The following CPD variants were observed in gnomAD, a reference collection of about 807,000 sequenced individuals.
CPD encodes metallocarboxypeptidase D.
In CPD, 69 loss-of-function variants were observed where a neutral mutation model predicts 138.3. The ratio of observed to expected loss-of-function variants is 0.50; its 90% CI spans 0.41 to 0.61. CPD has a LOEUF of 0.61. Ranked by LOEUF, CPD falls within the 20% of genes least tolerant of loss-of-function variation. The pLI is 0.00. For missense variants in CPD, 1,432 were observed against 1,733.3 expected, an observed-to-expected ratio of 0.83 and a Z score of 3.09; for synonymous variants, 651 against 642.1, an observed-to-expected ratio of 1.01 and a Z score of -0.21.
chr17:30,409,058 A>C (rs571769498), intron 2 of CPD, among the ~76,000 whole-genome samples: 1 of 152,294 alleles, frequency 6.6e-6, no homozygotes, highest in African/African-American at 2.4e-5. Context: ...GAGAGTTTTT[A>C]GCATGAAGGG....
chr17:30,401,860 T>C (rs571993779), intron 2 of CPD, among the ~76,000 whole-genome samples: 1 of 152,150 alleles, frequency 6.6e-6, no homozygotes, highest in South Asian at 2.1e-4. Context: ...GCACTTATAG[T>C]GTTTGAGATT....
At chr17:30,401,211 GCTTCTGCTTCTGCTT>G (rs1334506366) in intron 2 of CPD, among the ~76,000 whole-genome samples, 2 of 147,502 alleles carry the variant, frequency 1.4e-5, no homozygotes, top group African/African-American at 4.9e-5. Context: ...TGCTGCTGCT[GCTTCTGCTTCTGCTT>G]CTTCTGCTTC....
chr17:30,383,015 AAATACTTAAAAATTG>A (rs1353196123), intron 1 of CPD, among the ~76,000 whole-genome samples: 6 of 152,322 alleles, frequency 3.9e-5, no homozygotes, highest in Admixed American at 3.9e-4. Flanking sequence ...AGTGGGGGAA[AAATACTTAAAAATTG>A]TTTTAGAATT....
chr17:30,383,219 T>TGCTA (rs1232510815), intron 1 of CPD, among the ~76,000 whole-genome samples: 2 of 152,354 alleles, frequency 1.3e-5, no homozygotes, highest in African/African-American at 2.4e-5. Flanking sequence ...TTAAACAGGA[T>TGCTA]GCTAGATACC....
Position 30,449,159 on chromosome 17 carries a change from G to A in CPD, c.2874-394G>A, listed in dbSNP as rs74729016. Among the ~76,000 whole-genome samples, 950 of 151,682 alleles carry A rather than the reference G, an allele frequency of 6.3e-3. 11 individuals are homozygous for A. Among genetic ancestry groups the A allele is most frequent in the African/African-American group, 0.022 (914 of 41,414 alleles). ...ATAAATAAATAAATAAATAAGGGAG[G>A]TTATCTATGTTCATACATACTTAAA... On this transcript the variant is annotated intron_variant, in intron 12 of 20. Coordinates refer to ENST00000225719, the MANE Select transcript of CPD (RefSeq NM_001304.5).
rs760463298 is a variant in CPD at position 30,385,267 on chromosome 17, C to T, written c.994+31C>T. On this transcript the variant is annotated intron_variant, in intron 2 of 20. Transcript: ENST00000225719. ...CAAAGCATTGAGTTTGCTACATTTT[C>T]CCCCTTGTTCGTTGAATTTTGTTAT... 1.0e-5 allele frequency: 16 copies of T among 1,607,966 alleles called. No homozygotes were observed. The East Asian group carries it at 1.1e-4, about 11-fold the overall frequency.
intron 3 of CPD, 150 bp downstream of exon 3, chr17:30,421,133 AGATT>A: frequency 3.7e-5 from 23 of 626,960 alleles, no homozygotes; most frequent in Non-Finnish European, 4.9e-5. Flanking sequence ...AAAGATTATT[AGATT>A]ATAATCTATT....
intron 2 of CPD, among the ~76,000 whole-genome samples, chr17:30,401,235 T>TCTG (rs956445165): frequency 3.0e-5 from 4 of 134,308 alleles, no homozygotes; most frequent in African/African-American, 1.0e-4. Flanking sequence ...TTCTTCTGCT[T>TCTG]CTGCTGCTGC....
At chr17:30,395,640 A>G (rs1458960698) in intron 2 of CPD, among the ~76,000 whole-genome samples, 2 of 152,000 alleles carry the variant, frequency 1.3e-5, no homozygotes, top group African/African-American at 4.8e-5. Flanking sequence ...CAGTCTTTAG[A>G]TCTAATGTGT....
chr17:30,383,224 G>T (rs971540872), intron 1 of CPD, among the ~76,000 whole-genome samples: 1 of 152,160 alleles, frequency 6.6e-6, no homozygotes, highest in Non-Finnish European at 1.5e-5. Context: ...CAGGATGCTA[G>T]ATACCTCCAA....
intron 12 of CPD, among the ~76,000 whole-genome samples, chr17:30,447,089 G>A (rs534393365): frequency 6.6e-6 from 1 of 152,258 alleles, no homozygotes; most frequent in East Asian, 1.9e-4. Flanking sequence ...TTTGTCAGAT[G>A]AGTAGATTGC....
intron 2 of CPD, among the ~76,000 whole-genome samples, chr17:30,411,478 G>T (rs1260635596): frequency 6.6e-6 from 1 of 152,208 alleles, no homozygotes; most frequent in South Asian, 2.1e-4. Context: ...CATTCTCCCC[G>T]TCACTTTCAG....
chr17:30,425,765 A>G (rs1434180073), intron 6 of CPD, among the ~76,000 whole-genome samples: 13 of 152,158 alleles, frequency 8.5e-5, no homozygotes, highest in Admixed American at 6.5e-5. Context: ...GTGCTTTAAT[A>G]TAATTTGTCT....
chr17:30,426,142 G>A (rs1451508396), intron 6 of CPD, among the ~76,000 whole-genome samples: 1 of 147,572 alleles, frequency 6.8e-6, no homozygotes, highest in Non-Finnish European at 1.5e-5. Context: ...AGAGGTTGCA[G>A]TAAGCCAAGA....
chr17:30,396,252 A>G (rs943908624), intron 2 of CPD, among the ~76,000 whole-genome samples: 38 of 152,164 alleles, frequency 2.5e-4, no homozygotes, highest in African/African-American at 5.8e-4. Context: ...TTGTCTGTCT[A>G]TATTCCTAGA....
chr17:30,442,665 T>C (rs1567880110), intron 10 of CPD, among the ~76,000 whole-genome samples: 1 of 152,168 alleles, frequency 6.6e-6, no homozygotes, highest in Non-Finnish European at 1.5e-5. Flanking sequence ...TGAGGAAAAG[T>C]TGAAGAAAAT....
At chr17:30,432,649 G>A (rs1035658415) in intron 8 of CPD, among the ~76,000 whole-genome samples, 1 of 152,132 alleles carries the variant, frequency 6.6e-6, no homozygotes, top group African/African-American at 2.4e-5. Context: ...GCTCATGCCT[G>A]AAATCGTAGC....
intron 2 of CPD, among the ~76,000 whole-genome samples, chr17:30,406,558 C>T (rs1911804587): frequency 6.6e-6 from 1 of 152,114 alleles, no homozygotes; most frequent in Non-Finnish European, 1.5e-5. Context: ...TAAAATGTTA[C>T]TGTAAACTTG....
chr17:30,418,991 C>A (rs1449679391), intron 2 of CPD, among the ~76,000 whole-genome samples: 2 of 152,040 alleles, frequency 1.3e-5, no homozygotes, highest in African/African-American at 4.8e-5. Flanking sequence ...TTTGTCTTAC[C>A]AATATCTATC....
Sources: allele counts gnomAD v4.1 joint callset (sites outside exome capture counted in the v4.1 genomes callset), GRCh38; gene constraint gnomAD v4.1.1; transcripts MANE v1.5; gene names NCBI Gene and HGNC (gene_info 2026-07-23, HGNC 2026-07-21).